The following YY1 variants were observed in gnomAD, a reference collection of about 807,000 sequenced individuals.
YY1 encodes transcriptional repressor protein YY1.
YY1 carries 2 observed loss-of-function variants against 35.6 expected under a neutral mutation model. The ratio of observed to expected loss-of-function variants is 0.06; its 90% CI spans 0.02 to 0.18. The LOEUF (loss-of-function observed/expected upper bound fraction) is 0.18, where lower values mean the gene tolerates loss of function less well. Among genes scored for constraint, YY1 ranks in the 10% least tolerant of loss-of-function variants. YY1 has a pLI of 1.00. For synonymous variants in YY1, 268 were observed against 238.9 expected, an observed-to-expected ratio of 1.12 and a Z score of -1.12; for missense variants, 322 against 573.4, an observed-to-expected ratio of 0.56 and a Z score of 4.48.
At chr14:100,273,563 CTG>C (rs1225980980) in intron 2 of YY1, among the ~76,000 whole-genome samples, 1 of 151,980 alleles carries the variant, frequency 6.6e-6, no homozygotes, top group African/African-American at 2.4e-5. Flanking sequence ...CAGAGTCTCA[CTG>C]TGTTTCCCAG....
chr14:100,258,433 T>C (rs1409533564), intron 1 of YY1, among the ~76,000 whole-genome samples: 1 of 152,238 alleles, frequency 6.6e-6, no homozygotes, highest in African/African-American at 2.4e-5. Context: ...CATCTGTGAA[T>C]GGATAACCTT....
intron 2 of YY1, among the ~76,000 whole-genome samples, chr14:100,267,531 CTT>C (rs5810988): frequency 3.1e-4 from 46 of 148,670 alleles, no homozygotes; most frequent in South Asian, 2.2e-4. Context: ...TACATAGTAG[CTT>C]TTTTTTTTTT....
At chr14:100,242,516 G>A (rs1174772343) in intron 1 of YY1, among the ~76,000 whole-genome samples, 3 of 150,888 alleles carry the variant, frequency 2.0e-5, no homozygotes, top group Non-Finnish European at 4.4e-5. Context: ...ACCCTCCCGA[G>A]TAGCTGGGAC....
At chr14:100,271,921 G>C (rs943996720) in intron 2 of YY1, among the ~76,000 whole-genome samples, 1 of 152,088 alleles carries the variant, frequency 6.6e-6, no homozygotes, top group African/African-American at 2.4e-5. Flanking sequence ...CCTATCACAC[G>C]AGTGCATCAT....
intron 2 of YY1, among the ~76,000 whole-genome samples, chr14:100,272,757 G>A (rs574101751): frequency 2.0e-5 from 3 of 151,746 alleles, no homozygotes; most frequent in East Asian, 1.9e-4. Context: ...TGCACCCCTC[G>A]CCAGAGCAGT....
At chr14:100,241,666 C>G (rs1890744678) in intron 1 of YY1, among the ~76,000 whole-genome samples, 1 of 152,118 alleles carries the variant, frequency 6.6e-6, no homozygotes, top group Admixed American at 6.6e-5. Context: ...ACATACTGAT[C>G]ATGTTGGAAC....
At chr14:100,240,044 A>G in intron 1 of YY1, 121 bp downstream of exon 1, 1 of 790,932 alleles carries the variant, frequency 1.3e-6, no homozygotes, top group Middle Eastern at 3.5e-4. Flanking sequence ...GCCCCAAAAG[A>G]TGGCGGGCCG....
At chr14:100,247,407 G>A (rs1304324879) in intron 1 of YY1, among the ~76,000 whole-genome samples, 1 of 149,054 alleles carries the variant, frequency 6.7e-6, no homozygotes, top group Admixed American at 6.7e-5. Flanking sequence ...TTCGAGACAG[G>A]GTCTCACTTT....
chr14:100,281,208 T>A lies in YY1; in HGVS notation c.*3608T>A, dbSNP rs1891423702. On this transcript the variant is annotated 3_prime_UTR_variant, in exon 5 of 5. Transcript: ENST00000262238. Reference sequence around the variant, plus strand: ...TCAGCCTGGCTTGGGAAATTCATGTTGTTGATCTTTAATTATTTAATTATT... The same window carrying A: ...TCAGCCTGGCTTGGGAAATTCATGTAGTTGATCTTTAATTATTTAATTATT... The A allele has an allele frequency of 6.6e-6, 1 of 151,512 alleles. No homozygotes were observed. 9.4% of individuals were successfully genotyped at this position (151,512 alleles called of 1,614,324 possible). A position where few individuals can be genotyped will look rare whatever the true frequency, so the allele number is the denominator to read the frequency against.
At chr14:100,250,805 G>A (rs2139576017) in intron 1 of YY1, among the ~76,000 whole-genome samples, 1 of 150,938 alleles carries the variant, frequency 6.6e-6, no homozygotes, top group Middle Eastern at 3.4e-3. Context: ...AGACCAACCT[G>A]GGCAACATAG....
In YY1 at chr14:100,276,228, C is replaced by A. The variant is rs1891315514; in HGVS notation, c.904-262C>A. ...AGTTTGGCTACTACTAGTAGTGTGA[C>A]CTTGGGCAAGTCTACTTAAAGACAT... is the stretch of plus-strand genomic sequence containing the variant. On this transcript the variant is annotated intron_variant, in intron 3 of 4. Transcript: ENST00000262238. This position sits in a 1 kb window ranked among gnomAD's most constrained non-coding sequence, Gnocchi z 4.1. 4.2e-6 allele frequency: 2 copies of A among 472,406 alleles called. No homozygotes were observed. The highest frequency in any genetic ancestry group is 7.7e-6 in the Non-Finnish European group (2 of 260,574). 29.3% of individuals were successfully genotyped at this position (472,406 alleles called of 1,614,324 possible).
Position 100,277,402 on chromosome 14 carries a change from G to C in YY1, c.1063-16G>C. 2.5e-6 allele frequency: 4 copies of C among 1,614,178 alleles called. No individual in the cohort carries two copies. The highest frequency in any genetic ancestry group is 3.4e-6 in the Non-Finnish European group (4 of 1,180,040). The stretch of plus-strand genomic sequence containing the variant: ...AGAGTTGCTGAGTGGGTTGATCTCT[G>C]GTCTTTCCTTGACAGTGCACGTTCG... On this transcript the variant is annotated splice_polypyrimidine_tract_variant and intron_variant, in intron 4 of 4. Transcript: ENST00000262238. This position sits in a 1 kb window ranked among gnomAD's most constrained non-coding sequence, Gnocchi z 5.6.
In YY1 at chr14:100,279,768, T is replaced by C. The variant is rs1276795895; in HGVS notation, c.*2168T>C. The C allele has an allele frequency of 2.6e-5, 4 of 152,414 alleles. No individual in the cohort carries two copies. Among genetic ancestry groups the C allele is most frequent in the Non-Finnish European group, 5.9e-5 (4 of 68,210 alleles). 9.4% of individuals were successfully genotyped at this position (152,414 alleles called of 1,614,324 possible). A position where few individuals can be genotyped will look rare whatever the true frequency, so the allele number is the denominator to read the frequency against. On this transcript the variant is annotated 3_prime_UTR_variant, in exon 5 of 5. Coordinates refer to ENST00000262238, the MANE Select transcript of YY1 (RefSeq NM_003403.5). ...TGTGTTAGGAGTCCTTTGCCCAACA[T>C]TGTGCTGCACTGGAGCCTGGCCCTG...
chr14:100,277,165 C>T lies in YY1; in HGVS notation c.1063-253C>T, dbSNP rs1383783805. On this transcript the variant is annotated intron_variant, in intron 4 of 4. Coordinates refer to ENST00000262238, the MANE Select transcript of YY1 (RefSeq NM_003403.5). The surrounding 1 kb of genome is among the most constrained non-coding windows in gnomAD (Gnocchi z 5.6). ...GGAAATGTTTACAGCAGCACTAGGA[C>T]TCTAGCCTGCATTTAGGAAGACTTG... 1.7e-6 allele frequency: 1 copy of T among 573,372 alleles called. No homozygotes were observed. Among genetic ancestry groups the T allele is most frequent in the Non-Finnish European group, 3.1e-6 (1 of 320,502 alleles). 35.5% of individuals were successfully genotyped at this position (573,372 alleles called of 1,614,324 possible). A position where few individuals can be genotyped will look rare whatever the true frequency, so the allele number is the denominator to read the frequency against.
intron 1 of YY1, among the ~76,000 whole-genome samples, chr14:100,244,581 A>C (rs879416553): frequency 6.7e-3 from 544 of 80,672 alleles, no homozygotes; most frequent in Middle Eastern, 0.02. Context: ...CCCACTCCCC[A>C]CCCCTTACTT....
Position 100,276,289 on chromosome 14 carries a change from G to C in YY1, c.904-201G>C. The stretch of plus-strand genomic sequence containing the variant: ...CAGTTTCCTCATCTGTAAAACTAGG[G>C]TTTGCATTGAATGATGACTTTTTCA... On this transcript the variant is annotated intron_variant, in intron 3 of 4. Transcript: ENST00000262238. The surrounding 1 kb of genome is among the most constrained non-coding windows in gnomAD (Gnocchi z 4.1). 1 of 675,958 alleles carries C rather than the reference G, an allele frequency of 1.5e-6. No homozygotes were observed. The highest frequency in any genetic ancestry group is 2.4e-6 in the Non-Finnish European group (1 of 410,974). 41.9% of individuals were successfully genotyped at this position (675,958 alleles called of 1,614,324 possible).
chr14:100,276,713 TGTG>T lies in YY1; in HGVS notation c.1062+69_1062+71del. ...GTCTGAACACTGCAAGTGTAGGTGG[TGTG>T]GTGATGAGGCAGGAGGCGCCAGCCC... On this transcript the variant is annotated intron_variant, in intron 4 of 4. Coordinates refer to ENST00000262238, the MANE Select transcript of YY1 (RefSeq NM_003403.5). This position sits in a 1 kb window ranked among gnomAD's most constrained non-coding sequence, Gnocchi z 4.1. 6.2e-7 allele frequency: 1 copy of T among 1,610,994 alleles called. No homozygotes were observed. The highest frequency in any genetic ancestry group is 1.1e-5 in the South Asian group (1 of 90,888).
At chr14:100,253,493 C>CTGGAG (rs1890954856) in intron 1 of YY1, among the ~76,000 whole-genome samples, 1 of 152,230 alleles carries the variant, frequency 6.6e-6, no homozygotes, top group African/African-American at 2.4e-5. Context: ...TCTCGGCTCA[C>CTGGAG]TGCAACCTCT....
intron 2 of YY1, among the ~76,000 whole-genome samples, chr14:100,268,795 A>T (rs1006933744): frequency 3.3e-5 from 5 of 152,250 alleles, no homozygotes; most frequent in African/African-American, 9.6e-5. Context: ...AATAGCACAG[A>T]TCAGAGGATG....
Sources: allele counts gnomAD v4.1 joint callset (sites outside exome capture counted in the v4.1 genomes callset), GRCh38; gene constraint gnomAD v4.1.1; non-coding constraint Gnocchi (gnomAD v3.1); transcripts MANE v1.5; gene names NCBI Gene and HGNC (gene_info 2026-07-23, HGNC 2026-07-21).